KIAA1328: variants seen among roughly 807,000 people sequenced by gnomAD.
KIAA1328 encodes the protein protein hinderin.
In KIAA1328, 52 loss-of-function variants were observed where a neutral mutation model predicts 68.1. The ratio of observed to expected loss-of-function variants is 0.76; its 90% CI spans 0.61 to 0.96. The LOEUF is 0.96. Ranked by LOEUF, KIAA1328 falls within the 40% of genes least tolerant of loss-of-function variation. The pLI, the probability that KIAA1328 is intolerant of heterozygous loss-of-function variation, is 0.00. For synonymous variants in KIAA1328, 232 were observed against 239.4 expected, an observed-to-expected ratio of 0.97 and a Z score of 0.28; for missense variants, 641 against 677.6, an observed-to-expected ratio of 0.95 and a Z score of 0.60.
intron 6 of KIAA1328, among the ~76,000 whole-genome samples, chr18:36,971,971 A>G (rs1386929497): frequency 1.3e-5 from 2 of 152,192 alleles, no homozygotes; most frequent in African/African-American, 2.4e-5. Flanking sequence ...AAGTTTACCT[A>G]TATAACAAAC....
intron 6 of KIAA1328, among the ~76,000 whole-genome samples, chr18:36,999,997 G>A (rs913409443): frequency 6.6e-6 from 1 of 151,730 alleles, no homozygotes; most frequent in Non-Finnish European, 1.5e-5. Flanking sequence ...CAGGAACAAA[G>A]CCTATCATAT....
intron 9 of KIAA1328, among the ~76,000 whole-genome samples, chr18:37,208,695 C>T (rs966285675): frequency 3.9e-5 from 6 of 152,106 alleles, no homozygotes; most frequent in Non-Finnish European, 5.9e-5. Context: ...ATGATTTCCA[C>T]TCAGACGGAT....
In KIAA1328 at chr18:37,021,580, G is replaced by C. The variant is rs147099098; in HGVS notation, c.577-45310G>C. Among the ~76,000 whole-genome samples, 172 of 152,142 alleles carry C rather than the reference G, an allele frequency of 1.1e-3. 1 individual carries two copies. Among genetic ancestry groups the C allele is most frequent in the African/African-American group, 4.0e-3 (165 of 41,508 alleles). On this transcript the variant is annotated intron_variant, in intron 6 of 9. Coordinates refer to ENST00000280020, the MANE Select transcript of KIAA1328 (RefSeq NM_020776.3). ...TTAGGATTTCTTTGCATTTGTTTTG[G>C]TATTTACAATAGTTTCTTGAAAGTT...
At chr18:37,135,153 A>G (rs1164104176) in intron 7 of KIAA1328, among the ~76,000 whole-genome samples, 5 of 152,248 alleles carry the variant, frequency 3.3e-5, no homozygotes, top group Non-Finnish European at 4.4e-5. Context: ...ATAGTGTTGC[A>G]GTGAGCCTGT....
intron 9 of KIAA1328, among the ~76,000 whole-genome samples, chr18:37,178,391 A>G (rs772605299): frequency 2.8e-4 from 42 of 152,300 alleles, no homozygotes; most frequent in Non-Finnish European, 5.0e-4. Flanking sequence ...CTTCAGGTTC[A>G]TCTATGTTGC....
intron 6 of KIAA1328, among the ~76,000 whole-genome samples, chr18:37,022,042 AAATT>A (rs58228358): frequency 2.8e-4 from 42 of 152,056 alleles, no homozygotes; most frequent in South Asian, 1.0e-3. Context: ...TCTGTCTCAT[AAATT>A]AATTAATTAA....
intron 5 of KIAA1328, among the ~76,000 whole-genome samples, chr18:36,949,372 C>G (rs547042808): frequency 5.3e-5 from 8 of 152,224 alleles, no homozygotes; most frequent in African/African-American, 1.9e-4. Flanking sequence ...GAAAAGGAAA[C>G]TATAAAAACA....
chr18:36,918,925 C>CAAAGAAA, intron 5 of KIAA1328, among the ~76,000 whole-genome samples: 1 of 152,056 alleles, frequency 6.6e-6, no homozygotes, highest in African/African-American at 2.4e-5. Flanking sequence ...TTTAGATACT[C>CAAAGAAA]TGTATAATTT....
chr18:37,035,527 C>A (rs2054991356), intron 6 of KIAA1328, among the ~76,000 whole-genome samples: 1 of 152,264 alleles, frequency 6.6e-6, no homozygotes, highest in Middle Eastern at 3.4e-3. Flanking sequence ...AAAATTATCT[C>A]ATTGGGGCAG....
At chr18:36,880,266 C>T (rs544706303) in intron 4 of KIAA1328, among the ~76,000 whole-genome samples, 5 of 152,270 alleles carry the variant, frequency 3.3e-5, no homozygotes, top group African/African-American at 1.2e-4. Context: ...TCAGGGCTTC[C>T]CTTTGCTAGT....
intron 6 of KIAA1328, among the ~76,000 whole-genome samples, chr18:37,031,182 C>A (rs2054812981): frequency 6.6e-6 from 1 of 152,102 alleles, no homozygotes; most frequent in African/African-American, 2.4e-5. Context: ...ATTTATAATC[C>A]TTTGGGTATA....
At chr18:37,015,938 G>A (rs2054137294) in intron 6 of KIAA1328, among the ~76,000 whole-genome samples, 1 of 152,056 alleles carries the variant, frequency 6.6e-6, no homozygotes, top group Non-Finnish European at 1.5e-5. Context: ...GAATCATATG[G>A]TCCATGAGGA....
intron 7 of KIAA1328, among the ~76,000 whole-genome samples, chr18:37,103,803 TACACACACACACACACACACACAC>T (rs60337954): frequency 6.9e-6 from 1 of 145,656 alleles, no homozygotes; most frequent in African/African-American, 2.5e-5. Flanking sequence ...CAATAGCAAA[TACACACACACACACACACACACAC>T]ACACACACAC....
chr18:36,849,470 C>G (rs543963869), intron 4 of KIAA1328, among the ~76,000 whole-genome samples: 26 of 152,090 alleles, frequency 1.7e-4, no homozygotes, highest in African/African-American at 6.0e-4. Flanking sequence ...TTTTCTGTCT[C>G]TAAGGATTTG....
At chr18:37,161,820 G>A (rs1405246268) in intron 8 of KIAA1328, among the ~76,000 whole-genome samples, 4 of 152,216 alleles carry the variant, frequency 2.6e-5, no homozygotes, top group African/African-American at 7.2e-5. Flanking sequence ...TAGTGGAATA[G>A]CAAAAGAACA....
downstream of KIAA1328, among the ~76,000 whole-genome samples, chr18:37,228,404 A>T (rs1252045953): frequency 6.6e-6 from 1 of 152,234 alleles, no homozygotes; most frequent in African/African-American, 2.4e-5. Context: ...AGGGTCAATT[A>T]TGTGCCAAAC....
At chr18:37,093,805 C>T (rs1039992366) in intron 7 of KIAA1328, among the ~76,000 whole-genome samples, 9 of 152,126 alleles carry the variant, frequency 5.9e-5, no homozygotes, top group Non-Finnish European at 1.0e-4. Context: ...CTAAGTTCCC[C>T]AAATAGATTC....
chr18:37,005,390 A>G (rs2053742477), intron 6 of KIAA1328, among the ~76,000 whole-genome samples: 1 of 151,798 alleles, frequency 6.6e-6, no homozygotes, highest in Non-Finnish European at 1.5e-5. Context: ...AATCAAAACC[A>G]GAGTGTCATA....
intron 7 of KIAA1328, among the ~76,000 whole-genome samples, chr18:37,132,425 A>T (rs2058544647): frequency 6.6e-6 from 1 of 152,214 alleles, no homozygotes; most frequent in South Asian, 2.1e-4. Flanking sequence ...ATAAAACATT[A>T]TTCTGTAAAT....
Sources: gnomAD v4.1 joint callset for allele counts (sites outside exome capture counted in the v4.1 genomes callset) on GRCh38, gnomAD v4.1.1 for gene constraint, MANE v1.5 for transcripts, NCBI Gene and HGNC (gene_info 2026-07-23, HGNC 2026-07-21) for gene names.